Variants in SPATA17 observed in about 807,000 individuals in gnomAD.
SPATA17 encodes the protein spermatogenesis-associated protein 17.
SPATA17 carries 53 observed loss-of-function variants against 62.2 expected under a neutral mutation model. That is an observed-to-expected ratio of 0.85 (90% confidence interval 0.68 to 1.07). The LOEUF is 1.07. Ranked by LOEUF, SPATA17 falls within the 50% of genes least tolerant of loss-of-function variation. The probability of loss-of-function intolerance (pLI) is 0.00; values close to 1 mark genes in which losing one functional copy is unlikely to be tolerated. For missense variants in SPATA17, 466 were observed against 425.5 expected (o/e 1.10, Z -0.84); for synonymous variants, 146 against 146.8 (o/e 0.99, Z 0.04).
intron 8 of SPATA17, among the ~76,000 whole-genome samples, chr1:217,786,700 A>C (rs1429571518): frequency 6.6e-6 from 1 of 152,068 alleles, no homozygotes; most frequent in East Asian, 1.9e-4. Context: ...ATATTGCAGA[A>C]ACTTTGGTAA....
intron 4 of SPATA17, among the ~76,000 whole-genome samples, chr1:217,671,199 A>G (rs1385176668): frequency 2.0e-5 from 3 of 152,150 alleles, no homozygotes; most frequent in Non-Finnish European, 4.4e-5. Flanking sequence ...TAATTGGAAC[A>G]AAATGTTTGT....
intron 5 of SPATA17, among the ~76,000 whole-genome samples, chr1:217,714,488 C>CTTCTTTTTTTTTTTTTTT (rs1671952359): frequency 8.2e-6 from 1 of 121,430 alleles, no homozygotes; most frequent in Non-Finnish European, 1.7e-5. Context: ...AAACGTGTTT[C>CTTCTTTTTTTTTTTTTTT]TTTTTTTTTT....
At chr1:217,863,790 C>T (rs1558081585) in intron 10 of SPATA17, among the ~76,000 whole-genome samples, 1 of 152,056 alleles carries the variant, frequency 6.6e-6, no homozygotes, top group Non-Finnish European at 1.5e-5. Flanking sequence ...CATTTTCAGC[C>T]AAATTTAAAG....
intron 9 of SPATA17, among the ~76,000 whole-genome samples, chr1:217,802,969 A>G (rs890044897): frequency 6.6e-5 from 10 of 152,024 alleles, no homozygotes; most frequent in African/African-American, 2.4e-4. Flanking sequence ...CTGGAGTGCA[A>G]TGGCGCAATC....
chr1:217,759,020 GA>G (rs1199392265), intron 6 of SPATA17, among the ~76,000 whole-genome samples: 1 of 152,166 alleles, frequency 6.6e-6, no homozygotes, highest in African/African-American at 2.4e-5. Context: ...ATCTGTATAT[GA>G]AATAACCTAA....
intron 5 of SPATA17, among the ~76,000 whole-genome samples, chr1:217,698,077 C>T (rs1671502012): frequency 1.3e-5 from 2 of 152,018 alleles, no homozygotes; most frequent in Admixed American, 6.6e-5. Flanking sequence ...GGGCAGATCA[C>T]CTGAGGTCAG....
chr1:217,803,685 C>A (rs1345044096), intron 9 of SPATA17, among the ~76,000 whole-genome samples: 2 of 151,946 alleles, frequency 1.3e-5, no homozygotes, highest in Non-Finnish European at 2.9e-5. Context: ...CAATACAATC[C>A]CTATCAAAAT....
intron 5 of SPATA17, among the ~76,000 whole-genome samples, chr1:217,725,575 C>A (rs953736885): frequency 6.6e-6 from 1 of 152,172 alleles, no homozygotes; most frequent in East Asian, 1.9e-4. Context: ...GAAGTCTGGT[C>A]CCCCAGCCTC....
intron 6 of SPATA17, among the ~76,000 whole-genome samples, chr1:217,767,412 A>G (rs1166649276): frequency 3.3e-5 from 5 of 152,180 alleles, no homozygotes; most frequent in Non-Finnish European, 5.9e-5. Context: ...GTCTAACATC[A>G]GTTTGGGTAA....
intron 9 of SPATA17, among the ~76,000 whole-genome samples, chr1:217,834,217 G>T (rs1178370836): frequency 6.6e-6 from 1 of 152,098 alleles, no homozygotes; most frequent in African/African-American, 2.4e-5. Flanking sequence ...TAGCACATAT[G>T]ATTATGTACA....
chr1:217,741,872 T>C (rs1558587304), intron 5 of SPATA17, 103 bp from the exon 6 acceptor site: 6 of 1,247,260 alleles, frequency 4.8e-6, no homozygotes, highest in Non-Finnish European at 6.8e-6. Flanking sequence ...TTTGGATGGA[T>C]ATGGATGATG....
At position 217,867,195 on chromosome 1, in the gene SPATA17, CAT is replaced by C. The variant is rs937282659; in HGVS notation, c.*179_*180del. 4 of 152,152 alleles carry C rather than the reference CAT, an allele frequency of 2.6e-5. No individual in the cohort carries two copies. The highest frequency in any genetic ancestry group is 7.2e-5 in the African/African-American group (3 of 41,434). The allele number at this position is 152,152 out of a possible 1,614,324, so 9.4% of individuals were successfully genotyped here. ...GTGTATGTATTTGAAATCTCTTAGA[CAT>C]ATCTTTTCAAACAAATACTTAAACT... On this transcript the variant is annotated 3_prime_UTR_variant, in exon 11 of 11. Transcript: ENST00000366933.
chr1:217,837,440 GGGTGGTGCTTGAGTTAACA>G (rs1675287116), intron 9 of SPATA17, among the ~76,000 whole-genome samples: 1 of 152,014 alleles, frequency 6.6e-6, no homozygotes, highest in African/African-American at 2.4e-5. Context: ...GGTAATTTGG[GGGTGGTGCTTGAGTTAACA>G]GCTGTTTACT....
At chr1:217,741,168 T>C (rs1022778838) in intron 5 of SPATA17, among the ~76,000 whole-genome samples, 1 of 152,172 alleles carries the variant, frequency 6.6e-6, no homozygotes, top group African/African-American at 2.4e-5. Context: ...TATAGTACAA[T>C]TTCAAAACAT....
At chr1:217,849,726 T>G (rs11117950) in intron 9 of SPATA17, among the ~76,000 whole-genome samples, 2 of 152,188 alleles carry the variant, frequency 1.3e-5, no homozygotes, top group South Asian at 4.1e-4. Flanking sequence ...GATCATAAAC[T>G]TCCTGAACCT....
chr1:217,646,586 A>G (rs1227926850), intron 1 of SPATA17, among the ~76,000 whole-genome samples: 1 of 151,964 alleles, frequency 6.6e-6, no homozygotes, highest in Non-Finnish European at 1.5e-5. Flanking sequence ...CCCCTTTAGA[A>G]GCAGTGATGG....
chr1:217,707,043 T>G (rs1671753138), intron 5 of SPATA17, among the ~76,000 whole-genome samples: 1 of 152,104 alleles, frequency 6.6e-6, no homozygotes, highest in Non-Finnish European at 1.5e-5. Context: ...ATTTTTGTAT[T>G]TTTCGTAGAG....
intron 9 of SPATA17, among the ~76,000 whole-genome samples, chr1:217,857,546 C>T (rs1232026895): frequency 6.6e-6 from 1 of 152,190 alleles, no homozygotes; most frequent in Non-Finnish European, 1.5e-5. Flanking sequence ...TTCAGAAAAG[C>T]AGTTCCCCAA....
chr1:217,724,516 C>G (rs913498958), intron 5 of SPATA17, among the ~76,000 whole-genome samples: 1 of 152,004 alleles, frequency 6.6e-6, no homozygotes, highest in Admixed American at 6.6e-5. Flanking sequence ...TGAACCCAGG[C>G]AGTGGAGGTT....
Sources: gnomAD v4.1 joint callset for allele counts (sites outside exome capture counted in the v4.1 genomes callset) on GRCh38, gnomAD v4.1.1 for gene constraint, MANE v1.5 for transcripts, NCBI Gene and HGNC (gene_info 2026-07-23, HGNC 2026-07-21) for gene names.